CAMK1D: variants seen among roughly 807,000 people sequenced by gnomAD.
CAMK1D encodes calcium/calmodulin-dependent protein kinase type 1D.
In CAMK1D, 9 loss-of-function variants were observed where a neutral mutation model predicts 47.7. That is an observed-to-expected ratio of 0.19 (90% CI 0.11 to 0.33). The LOEUF (loss-of-function observed/expected upper bound fraction) is 0.33, where lower values mean the gene tolerates loss of function less well. CAMK1D is among the 10% of genes least tolerant of loss of function. The pLI, the probability that CAMK1D is intolerant of heterozygous loss-of-function variation, is 1.00. For missense variants in CAMK1D, 291 were observed against 488.7 expected, an observed-to-expected ratio of 0.60 and a Z score of 3.81; for synonymous variants, 184 against 184.9, an observed-to-expected ratio of 0.99 and a Z score of 0.04.
intron 3 of CAMK1D, among the ~76,000 whole-genome samples, chr10:12,733,708 A>G (rs115908253): frequency 0.012 from 1,783 of 152,238 alleles, 36 homozygotes; most frequent in African/African-American, 0.04. Context: ...CCCGAATCCA[A>G]TTTGTTTTGA....
chr10:12,376,478 C>G (rs1463444058), intron 1 of CAMK1D, among the ~76,000 whole-genome samples: 1 of 152,138 alleles, frequency 6.6e-6, no homozygotes. Context: ...TCCTGGGAAA[C>G]TCCACCACCG....
rs200052874 is a variant in CAMK1D at position 12,828,834 on chromosome 10, G to A, written c.1105G>A (p.Glu369Lys). ...SSSGVSGVGA[E>K]RRPRPTTVTA... ...GTCGGGGGTCTCAGGAGTTGGAGCC[G>A]AGCGGAGACCCAGGCCCACCACTGT... Residue 369 changes from glutamate to lysine, a missense_variant, in exon 11 of 11, where the codon GAG becomes AAG. Around this residue, in one of 2 missense-constraint regions of CAMK1D, gnomAD observed 72 missense variants for 64.4 expected, o/e 1.12. Coordinates refer to ENST00000619168, the MANE Select transcript of CAMK1D (RefSeq NM_153498.4). 101 of 1,613,664 alleles carry A rather than the reference G, an allele frequency of 6.3e-5. No individual in the cohort carries two copies. In the Admixed American group the frequency reaches 1.1e-3, roughly 18 times the overall value.
chr10:12,441,101 A>G (rs1383184041), intron 1 of CAMK1D, among the ~76,000 whole-genome samples: 3 of 152,222 alleles, frequency 2.0e-5, no homozygotes, highest in Admixed American at 6.5e-5. Flanking sequence ...TCCTCCAATC[A>G]TACGTCAGCA....
At chr10:12,443,725 G>A (rs562023098) in intron 1 of CAMK1D, among the ~76,000 whole-genome samples, 1 of 152,256 alleles carries the variant, frequency 6.6e-6, no homozygotes, top group East Asian at 1.9e-4. Context: ...CGCTCCCCGG[G>A]TTCAAGCGAT....
At chr10:12,823,809 G>A (rs1833099682) in intron 8 of CAMK1D, among the ~76,000 whole-genome samples, 1 of 151,972 alleles carries the variant, frequency 6.6e-6, no homozygotes, top group Non-Finnish European at 1.5e-5. Flanking sequence ...AGGCGGGGTT[G>A]AGTGGAGCTG....
chr10:12,546,593 A>G (rs1836378931), intron 1 of CAMK1D, among the ~76,000 whole-genome samples: 1 of 152,110 alleles, frequency 6.6e-6, no homozygotes, highest in African/African-American at 2.4e-5. Context: ...GGATTAAGAA[A>G]ATGTGGCACA....
intron 1 of CAMK1D, among the ~76,000 whole-genome samples, chr10:12,454,024 C>T (rs543097374): frequency 1.3e-5 from 2 of 152,268 alleles, no homozygotes; most frequent in South Asian, 4.1e-4. Context: ...AAACCCTTCC[C>T]CTGGTTGGGT....
chr10:12,761,104 C>G lies in CAMK1D; in HGVS notation c.438+18C>G, dbSNP rs1432807814. On this transcript the variant is annotated intron_variant, in intron 4 of 10. Transcript: ENST00000619168. The stretch of plus-strand genomic sequence containing the variant: ...ACCTCAAGGTGAGGCCATCGCTCAG[C>G]AGCATCCTGCAGCCACTCTGCAGCC... The G allele has an allele frequency of 6.2e-7, 1 of 1,608,534 alleles. No homozygotes were observed. The highest frequency in any genetic ancestry group is 1.1e-5 in the South Asian group (1 of 90,926).
intron 3 of CAMK1D, among the ~76,000 whole-genome samples, chr10:12,750,788 C>T (rs552869506): frequency 2.2e-4 from 34 of 152,312 alleles, no homozygotes; most frequent in African/African-American, 5.8e-4. Flanking sequence ...CCATGGCTCA[C>T]GCCTGTAATC....
intron 1 of CAMK1D, among the ~76,000 whole-genome samples, chr10:12,359,579 T>C (rs538818704): frequency 1.3e-5 from 2 of 151,942 alleles, no homozygotes; most frequent in South Asian, 4.2e-4. Context: ...TTTAAAAAAA[T>C]CTGTCCCTCT....
At chr10:12,758,852 T>A (rs1457050374) in intron 3 of CAMK1D, among the ~76,000 whole-genome samples, 2 of 152,058 alleles carry the variant, frequency 1.3e-5, no homozygotes, top group African/African-American at 4.8e-5. Flanking sequence ...GAGGAGGCAG[T>A]AGCAGGCAGA....
intron 3 of CAMK1D, among the ~76,000 whole-genome samples, chr10:12,699,020 C>T (rs997128644): frequency 2.6e-5 from 4 of 151,822 alleles, no homozygotes; most frequent in Non-Finnish European, 5.9e-5. Flanking sequence ...TCAGAAGGAG[C>T]CAAATCAGAG....
intron 5 of CAMK1D, among the ~76,000 whole-genome samples, chr10:12,787,864 G>C (rs1053871312): frequency 6.6e-6 from 1 of 152,182 alleles, no homozygotes; most frequent in African/African-American, 2.4e-5. Context: ...GCCGGGCCTG[G>C]TGGTGCACGC....
chr10:12,443,965 T>G (rs191315693), intron 1 of CAMK1D, among the ~76,000 whole-genome samples: 222 of 152,304 alleles, frequency 1.5e-3, no homozygotes, highest in African/African-American at 5.2e-3. Context: ...CTGGATGATA[T>G]GCTAAACAAG....
At chr10:12,709,694 T>C (rs939040831) in intron 3 of CAMK1D, among the ~76,000 whole-genome samples, 17 of 152,288 alleles carry the variant, frequency 1.1e-4, no homozygotes, top group Middle Eastern at 3.4e-3. Flanking sequence ...TTCAGTTTCC[T>C]CTCTGTAGCA....
At chr10:12,471,013 C>G (rs1833730786) in intron 1 of CAMK1D, among the ~76,000 whole-genome samples, 1 of 152,194 alleles carries the variant, frequency 6.6e-6, no homozygotes, top group South Asian at 2.1e-4. Context: ...ATGACTTCCC[C>G]TCTTTCTTTT....
At chr10:12,744,022 C>CA (rs60844942) in intron 3 of CAMK1D, among the ~76,000 whole-genome samples, 2,003 of 99,770 alleles carry the variant, frequency 0.02, 28 homozygotes, top group African/African-American at 0.043. Flanking sequence ...GACTCCGTTT[C>CA]AAAAAAAAAA....
intron 4 of CAMK1D, among the ~76,000 whole-genome samples, chr10:12,763,317 G>A (rs1307835149): frequency 6.6e-6 from 1 of 152,240 alleles, no homozygotes; most frequent in Admixed American, 6.5e-5. Flanking sequence ...GCAATAGAGA[G>A]AGGATGATCG....
chr10:12,784,542 TCA>T (rs1401964325), intron 5 of CAMK1D, among the ~76,000 whole-genome samples: 6 of 152,270 alleles, frequency 3.9e-5, no homozygotes, highest in African/African-American at 1.4e-4. Context: ...ACAAGCACAT[TCA>T]CACACTGAGA....
Sources: gnomAD v4.1 joint callset for allele counts (sites outside exome capture counted in the v4.1 genomes callset) on GRCh38, gnomAD v4.1.1 for gene constraint, gnomAD v4.1.1 regional missense constraint, MANE v1.5 for transcripts, NCBI Gene and HGNC (gene_info 2026-07-23, HGNC 2026-07-21) for gene names.